The following CCDC172 variants were observed in gnomAD, a reference collection of about 807,000 sequenced individuals.
CCDC172 encodes the protein coiled-coil domain-containing protein 172.
In CCDC172, 30 loss-of-function variants were observed where a neutral mutation model predicts 38.0. The observed-to-expected ratio is 0.79, with a 90% CI of 0.59 to 1.07. The LOEUF (loss-of-function observed/expected upper bound fraction) is 1.07, where lower values mean the gene tolerates loss of function less well. Ranked by LOEUF, CCDC172 falls within the 50% of genes least tolerant of loss-of-function variation. The pLI, the probability that CCDC172 is intolerant of heterozygous loss-of-function variation, is 0.00. For synonymous variants in CCDC172, 78 were observed against 88.3 expected, an observed-to-expected ratio of 0.88 and a Z score of 0.66; for missense variants, 297 against 290.1, an observed-to-expected ratio of 1.02 and a Z score of -0.17.
At chr10:116,355,606 C>A (rs2134946680) in intron 5 of CCDC172, among the ~76,000 whole-genome samples, 1 of 152,122 alleles carries the variant, frequency 6.6e-6, no homozygotes, top group South Asian at 2.1e-4. Flanking sequence ...AAAATATGGG[C>A]ATATATATAC....
chr10:116,338,748 T>TC (rs1375780746), intron 3 of CCDC172, among the ~76,000 whole-genome samples: 1 of 152,122 alleles, frequency 6.6e-6, no homozygotes, highest in Non-Finnish European at 1.5e-5. Flanking sequence ...AATTTCTGAG[T>TC]CCTTAACATA....
At chr10:116,368,285 G>A (rs1021415649) in intron 7 of CCDC172, among the ~76,000 whole-genome samples, 6 of 151,860 alleles carry the variant, frequency 4.0e-5, no homozygotes, top group African/African-American at 1.5e-4. Context: ...ACCATTTATT[G>A]TCCACTAATG....
chr10:116,357,465 C>T lies in CCDC172; in HGVS notation c.534C>T (p.Leu178=), dbSNP rs146274660. ...AATTGATACAAGAATTATTTACTCTCCAAAGAAAACTTAAAGGTATTACCT... is the reference window on the plus strand; with the variant it reads ...AATTGATACAAGAATTATTTACTCTTCAAAGAAAACTTAAAGGTATTACCT... ...KSELIQELFT[L]QRKLKVFEDE... The change falls in exon 6 of 9, where the codon CTC becomes CTT. Residue 178 remains leucine (L), a synonymous_variant. Coordinates refer to ENST00000333254, the MANE Select transcript of CCDC172 (RefSeq NM_198515.3). 226 of 1,566,564 alleles carry T rather than the reference C, an allele frequency of 1.4e-4. No individual in the cohort carries two copies. In the African/African-American group the frequency reaches 2.9e-3, roughly 20 times the overall value.
At chr10:116,325,841 A>G (rs1844585247) in intron 3 of CCDC172, among the ~76,000 whole-genome samples, 1 of 152,222 alleles carries the variant, frequency 6.6e-6, no homozygotes, top group Non-Finnish European at 1.5e-5. Context: ...CGTCCGAAGT[A>G]TACCTTTTCC....
chr10:116,351,175 GTCTGA>G (rs1353238348), intron 5 of CCDC172, among the ~76,000 whole-genome samples: 1 of 152,074 alleles, frequency 6.6e-6, no homozygotes, highest in Non-Finnish European at 1.5e-5. Context: ...GTGATAGAAT[GTCTGA>G]TAAATCAATT....
Position 116,379,396 on chromosome 10 carries a change from G to A in CCDC172, c.*38G>A, listed in dbSNP as rs531960965. The A allele has an allele frequency of 5.5e-5, 76 of 1,393,634 alleles. No homozygotes were observed. In the South Asian group the frequency reaches 7.1e-4, roughly 13 times the overall value. The allele number at this position is 1,393,634 out of a possible 1,614,324, so 86.3% of individuals were successfully genotyped here. A position where few individuals can be genotyped will look rare whatever the true frequency, so the allele number is the denominator to read the frequency against. Reference sequence around the variant, plus strand: ...TGATCAGCCATCTGAGATTTGATCAGAATATCTGAGAATCAAATCTTTGTG... The same window carrying A: ...TGATCAGCCATCTGAGATTTGATCAAAATATCTGAGAATCAAATCTTTGTG... On this transcript the variant is annotated 3_prime_UTR_variant, in exon 9 of 9. Transcript: ENST00000333254.
At chr10:116,378,803 CT>C (rs1437013033) in intron 8 of CCDC172, among the ~76,000 whole-genome samples, 6 of 152,226 alleles carry the variant, frequency 3.9e-5, no homozygotes, top group Middle Eastern at 3.4e-3. Flanking sequence ...TTGACTGAAA[CT>C]GTTATTAGAG....
At chr10:116,360,206 A>T (rs1356308301) in intron 7 of CCDC172, among the ~76,000 whole-genome samples, 1 of 152,222 alleles carries the variant, frequency 6.6e-6, no homozygotes, top group Admixed American at 6.5e-5. Context: ...GAGGTATGTA[A>T]TTATGACTGA....
At chr10:116,343,518 T>G (rs1450467505) in intron 5 of CCDC172, among the ~76,000 whole-genome samples, 1 of 114,082 alleles carries the variant, frequency 8.8e-6, no homozygotes, top group African/African-American at 4.3e-5. Flanking sequence ...ATCATTCGTT[T>G]TTTTTTTTTT....
At chr10:116,358,809 G>A (rs1314952739) in intron 7 of CCDC172, among the ~76,000 whole-genome samples, 1 of 152,040 alleles carries the variant, frequency 6.6e-6, no homozygotes, top group Admixed American at 6.6e-5. Context: ...ATGACAATCT[G>A]CTCATTCATT....
Position 116,325,158 on chromosome 10 carries a change from A to G in CCDC172, c.79+68A>G. ...GATGCTGGGTGCTTGGAGCAGAAGG[A>G]AATCCCGAAGGCAGTGGTCAGAGCC... On this transcript the variant is annotated intron_variant, in intron 2 of 8. Coordinates refer to ENST00000333254, the MANE Select transcript of CCDC172 (RefSeq NM_198515.3). The G allele has an allele frequency of 2.6e-6, 4 of 1,558,326 alleles. No individual in the cohort carries two copies. The South Asian group carries it at 3.4e-5, about 13-fold the overall frequency.
At chr10:116,334,178 C>T (rs911673901) in intron 3 of CCDC172, among the ~76,000 whole-genome samples, 9 of 152,184 alleles carry the variant, frequency 5.9e-5, no homozygotes, top group African/African-American at 1.9e-4. Flanking sequence ...ATGTTCTTTT[C>T]GTTCTGAGCT....
rs184689194 is a variant in CCDC172 at position 116,362,900 on chromosome 10, G to T, written c.653+4962G>T. 1.2e-4 allele frequency among the ~76,000 whole-genome samples: 19 copies of T among 152,236 alleles called. 1 individual carries two copies. The East Asian group carries it at 3.5e-3, about 28-fold the overall frequency. ...GCCTTCAAGCTAATAGAGATCCCCT[G>T]TTTTGTGAATCCTTGGCACATACTG... On this transcript the variant is annotated intron_variant, in intron 7 of 8. Coordinates refer to ENST00000333254, the MANE Select transcript of CCDC172 (RefSeq NM_198515.3).
intron 5 of CCDC172, among the ~76,000 whole-genome samples, chr10:116,353,375 A>G (rs745574147): frequency 2.0e-5 from 3 of 152,228 alleles, no homozygotes; most frequent in Non-Finnish European, 4.4e-5. Context: ...GCAATAAAGT[A>G]TAGATAAATT....
intron 3 of CCDC172, among the ~76,000 whole-genome samples, chr10:116,333,523 C>T (rs1360252416): frequency 2.0e-5 from 3 of 152,148 alleles, no homozygotes; most frequent in South Asian, 4.1e-4. Context: ...TAAACACTAC[C>T]TCAGCATCCC....
At chr10:116,357,783 T>C (rs890207223) in intron 6 of CCDC172, 53 bp from the exon 7 acceptor site, 14 of 977,650 alleles carry the variant, frequency 1.4e-5, no homozygotes, top group Non-Finnish European at 2.0e-5. Flanking sequence ...TGAATAAAGA[T>C]AATCTTTATG....
intron 5 of CCDC172, among the ~76,000 whole-genome samples, chr10:116,345,084 A>G (rs1355080732): frequency 6.6e-6 from 1 of 152,182 alleles, no homozygotes; most frequent in South Asian, 2.1e-4. Flanking sequence ...TTAAGGATTT[A>G]TATTCTGTGA....
At chr10:116,350,907 T>C (rs1430617743) in intron 5 of CCDC172, among the ~76,000 whole-genome samples, 1 of 152,044 alleles carries the variant, frequency 6.6e-6, no homozygotes, top group African/African-American at 2.4e-5. Context: ...TAAATAAAAA[T>C]AACAATAAAA....
At chr10:116,325,895 A>G (rs1844585876) in intron 3 of CCDC172, among the ~76,000 whole-genome samples, 1 of 152,130 alleles carries the variant, frequency 6.6e-6, no homozygotes, top group South Asian at 2.1e-4. Flanking sequence ...ATGTTCTGTT[A>G]TTTTAAAAAG....
Sources: allele counts gnomAD v4.1 joint callset (sites outside exome capture counted in the v4.1 genomes callset), GRCh38; gene constraint gnomAD v4.1.1; transcripts MANE v1.5; gene names NCBI Gene and HGNC (gene_info 2026-07-23, HGNC 2026-07-21).